Variants in MITF observed in about 807,000 individuals in gnomAD.
MITF encodes microphthalmia-associated transcription factor.
MITF carries 17 observed loss-of-function variants against 60.5 expected under a neutral mutation model. That is an observed-to-expected ratio of 0.28 (90% CI 0.19 to 0.42). The LOEUF (loss-of-function observed/expected upper bound fraction) is 0.42. Among genes scored for constraint, MITF ranks in the 10% least tolerant of loss-of-function variants. MITF has a pLI of 1.00. For missense variants in MITF, 622 were observed against 683.5 expected (o/e 0.91, Z 1.00); for synonymous variants, 260 against 248.5 (o/e 1.05, Z -0.43).
intron 1 of MITF, among the ~76,000 whole-genome samples, chr3:69,812,539 T>A (rs1575752029): frequency 6.6e-6 from 1 of 152,326 alleles, no homozygotes; most frequent in Non-Finnish European, 1.5e-5. Context: ...CAACTTTTAA[T>A]TTTCACAGCT....
At chr3:69,806,304 C>T (rs1206662534) in intron 1 of MITF, among the ~76,000 whole-genome samples, 1 of 151,968 alleles carries the variant, frequency 6.6e-6, no homozygotes, top group East Asian at 1.9e-4. Flanking sequence ...CCAGGCTGGT[C>T]TTGAACTCCT....
chr3:69,860,332 C>T (rs1343904689), intron 1 of MITF, among the ~76,000 whole-genome samples: 2 of 152,200 alleles, frequency 1.3e-5, no homozygotes, highest in East Asian at 1.9e-4. Context: ...TTAGGCTGGG[C>T]GCGGTGGCTC....
Position 69,818,931 on chromosome 3 carries a change from C to T in MITF, c.105-60203C>T, listed in dbSNP as rs188792417. On this transcript the variant is annotated intron_variant, in intron 1 of 9. Transcript: ENST00000352241. ...TTAATTAAAATTTTTATTACTAATA[C>T]ACGTGTATGGAAACAATCAAAGAGG... Among the ~76,000 whole-genome samples, 29 of 152,174 alleles carry T rather than the reference C, an allele frequency of 1.9e-4. No individual in the cohort carries two copies. In the East Asian group the frequency reaches 5.6e-3, roughly 29 times the overall value.
intron 1 of MITF, chr3:69,778,790 T>C (rs2062517043): frequency 6.6e-6 from 1 of 152,224 alleles, no homozygotes; most frequent in Admixed American, 6.5e-5. Flanking sequence ...AATTCTCAAC[T>C]TGCAAAAACC....
intron 1 of MITF, among the ~76,000 whole-genome samples, chr3:69,867,201 C>T (rs1323494596): frequency 1.3e-5 from 2 of 151,990 alleles, no homozygotes; most frequent in South Asian, 4.1e-4. Flanking sequence ...GTTCCTGGGT[C>T]ATGGGAGAGG....
At chr3:69,754,969 G>A (rs1349719197) in intron 1 of MITF, among the ~76,000 whole-genome samples, 2 of 152,122 alleles carry the variant, frequency 1.3e-5, no homozygotes, top group African/African-American at 4.8e-5. Context: ...GGAGGCTAAG[G>A]GAGGGAGGAG....
At chr3:69,874,069 A>C (rs2064298248) in intron 1 of MITF, among the ~76,000 whole-genome samples, 1 of 152,194 alleles carries the variant, frequency 6.6e-6, no homozygotes, top group African/African-American at 2.4e-5. Flanking sequence ...CTGTGTCTTC[A>C]CTGTGTATAT....
intron 1 of MITF, among the ~76,000 whole-genome samples, chr3:69,820,206 C>T (rs747574139): frequency 2.0e-5 from 3 of 152,164 alleles, no homozygotes; most frequent in Non-Finnish European, 4.4e-5. Flanking sequence ...ATTGACTTCA[C>T]GTGCTTCATT....
intron 6 of MITF, among the ~76,000 whole-genome samples, chr3:69,950,717 T>C (rs1190026973): frequency 6.6e-6 from 1 of 151,862 alleles, no homozygotes; most frequent in East Asian, 1.9e-4. Context: ...TATGGTAGTG[T>C]AATGCTTCAG....
chr3:69,841,484 A>T (rs1312143581), intron 1 of MITF, among the ~76,000 whole-genome samples: 3 of 152,222 alleles, frequency 2.0e-5, no homozygotes, highest in Admixed American at 6.5e-5. Flanking sequence ...TATTTATACA[A>T]TTTATATTTT....
intron 1 of MITF, among the ~76,000 whole-genome samples, chr3:69,841,569 G>A (rs781240013): frequency 3.3e-5 from 5 of 152,164 alleles, no homozygotes; most frequent in Non-Finnish European, 5.9e-5. Flanking sequence ...TGCCAAATTT[G>A]GAAACTTTAA....
intron 1 of MITF, among the ~76,000 whole-genome samples, chr3:69,854,115 T>A (rs1317652753): frequency 6.6e-6 from 1 of 152,214 alleles, no homozygotes; most frequent in East Asian, 1.9e-4. Flanking sequence ...CCCAAAGTGC[T>A]GGGATTACAG....
intron 2 of MITF, among the ~76,000 whole-genome samples, chr3:69,896,758 T>G (rs1212012278): frequency 6.6e-6 from 1 of 152,200 alleles, no homozygotes. Context: ...AATGAATTCA[T>G]GTATGTAAGT....
chr3:69,748,437 C>T (rs1287190525), intron 1 of MITF, among the ~76,000 whole-genome samples: 2 of 152,116 alleles, frequency 1.3e-5, no homozygotes, highest in Non-Finnish European at 2.9e-5. Flanking sequence ...GGTGGGGTTT[C>T]GCCATGTTGG....
chr3:69,951,302 ACTC>A (rs2066247797), intron 6 of MITF, among the ~76,000 whole-genome samples: 1 of 150,250 alleles, frequency 6.7e-6, no homozygotes, highest in Non-Finnish European at 1.5e-5. Context: ...CTGATCTTGA[ACTC>A]CTGGGCTCAA....
intron 3 of MITF, chr3:69,938,817 G>A (rs1576007368): frequency 7.2e-7 from 1 of 1,395,034 alleles, no homozygotes; most frequent in East Asian, 2.7e-5. Context: ...CAAATTCGGA[G>A]GCAACTTTTC....
At chr3:69,817,355 T>C (rs2063197394) in intron 1 of MITF, among the ~76,000 whole-genome samples, 2 of 152,216 alleles carry the variant, frequency 1.3e-5, no homozygotes, top group South Asian at 4.1e-4. Context: ...GGATCAAATC[T>C]TAAAACCATG....
At chr3:69,912,946 T>A (rs982152691) in intron 2 of MITF, among the ~76,000 whole-genome samples, 1 of 152,178 alleles carries the variant, frequency 6.6e-6, no homozygotes. Context: ...TAGAAATGCC[T>A]TTGAATCTGG....
chr3:69,822,950 G>A (rs1300880237), intron 1 of MITF, among the ~76,000 whole-genome samples: 1 of 151,274 alleles, frequency 6.6e-6, no homozygotes, highest in Admixed American at 6.6e-5. Flanking sequence ...CCCAGGGTGA[G>A]TACAGTGGTG....
Sources: gnomAD v4.1 joint callset for allele counts (sites outside exome capture counted in the v4.1 genomes callset) on GRCh38, gnomAD v4.1.1 for gene constraint, MANE v1.5 for transcripts, NCBI Gene and HGNC (gene_info 2026-07-23, HGNC 2026-07-21) for gene names.